Variants in CALN1 observed in about 807,000 individuals in gnomAD.
CALN1 encodes the protein calcium-binding protein 8.
CALN1 carries 17 observed loss-of-function variants against 30.6 expected under a neutral mutation model. The ratio of observed to expected loss-of-function variants is 0.56; its 90% CI spans 0.38 to 0.83. The LOEUF is 0.83. Among genes scored for constraint, CALN1 ranks in the 40% least tolerant of loss-of-function variants. The pLI, the probability that CALN1 is intolerant of heterozygous loss-of-function variation, is 0.00. For synonymous variants in CALN1, 156 were observed against 131.4 expected, an observed-to-expected ratio of 1.19 and a Z score of -1.28; for missense variants, 291 against 354.9, an observed-to-expected ratio of 0.82 and a Z score of 1.45.
In CALN1 at chr7:72,360,651, C is replaced by T. The variant is rs77831408; in HGVS notation, c.119+42600G>A. 0.014 allele frequency among the ~76,000 whole-genome samples: 2,034 copies of T among 147,122 alleles called. 119 individuals are homozygous for T. In the East Asian group the frequency reaches 0.2, roughly 15 times the overall value. The stretch of plus-strand genomic sequence containing the variant: ...TAAGTTCTAGGGTACACGTGCACAA[C>T]GTGCAGATTTGTTACATATGTATGT... On this transcript the variant is annotated intron_variant, in intron 2 of 6. Coordinates refer to ENST00000395275, the MANE Select transcript of CALN1 (RefSeq NM_031468.4).
intron 5 of CALN1, among the ~76,000 whole-genome samples, chr7:72,018,076 G>T (rs1352303041): frequency 1.3e-5 from 2 of 151,974 alleles, no homozygotes; most frequent in Non-Finnish European, 2.9e-5. Context: ...GGTTGCACGG[G>T]GCTTGAGGTC....
In CALN1 at chr7:71,913,992, T is replaced by A. The variant is rs192124631; in HGVS notation, c.502-103500A>T. The A allele has an allele frequency of 2.2e-4, 34 of 152,378 alleles. No homozygotes were observed. In the East Asian group the frequency reaches 6.2e-3, roughly 28 times the overall value. The allele number at this position is 152,378 out of a possible 1,614,324, so 9.4% of individuals were successfully genotyped here. A position where few individuals can be genotyped will look rare whatever the true frequency, so the allele number is the denominator to read the frequency against. The stretch of plus-strand genomic sequence containing the variant: ...TGAGGTGAAATAGCCAGTCCAAGTT[T>A]ATGAGCTAGTAAGCAGCAGAACTGA... On this transcript the variant is annotated intron_variant, in intron 5 of 6. Transcript: ENST00000395275.
intron 3 of CALN1, among the ~76,000 whole-genome samples, chr7:72,112,105 G>A (rs936477610): frequency 1.3e-5 from 2 of 152,186 alleles, no homozygotes; most frequent in Middle Eastern, 3.4e-3. Flanking sequence ...CTGAGAATCA[G>A]GCCTCAGCTC....
rs892263727 is a variant in CALN1 at position 72,271,767 on chromosome 7, T to C, written c.244+6919A>G. Reference sequence around the variant, plus strand: ...TGCTGCAGAAAGTCCTGAATAAACATTAAAAGTCATCTAGGCCAGTCATGG... The same window carrying C: ...TGCTGCAGAAAGTCCTGAATAAACACTAAAAGTCATCTAGGCCAGTCATGG... On this transcript the variant is annotated intron_variant, in intron 3 of 6. Transcript: ENST00000395275. 7.1e-4 allele frequency among the ~76,000 whole-genome samples: 107 copies of C among 150,714 alleles called. 1 individual carries two copies. Among genetic ancestry groups the C allele is most frequent in the Non-Finnish European group, 1.1e-3 (73 of 67,706 alleles).
chr7:71,816,934 C>T (rs1290660471), intron 5 of CALN1, among the ~76,000 whole-genome samples: 1 of 152,142 alleles, frequency 6.6e-6, no homozygotes. Context: ...CACCACTGCA[C>T]TCCAGCCTGG....
intron 3 of CALN1, among the ~76,000 whole-genome samples, chr7:72,256,604 AT>A (rs10642125): frequency 6.6e-6 from 1 of 151,106 alleles, no homozygotes; most frequent in Non-Finnish European, 1.5e-5. Context: ...TCAATCAATT[AT>A]TTTTTTTTCT....
chr7:72,496,707 C>CA, the CALN1 span, among the ~76,000 whole-genome samples: 1 of 152,122 alleles, frequency 6.6e-6, no homozygotes, highest in South Asian at 2.1e-4. Flanking sequence ...CTCACCTCTA[C>CA]AAAAAATTTT....
chr7:71,975,347 C>T (rs990914904), intron 5 of CALN1, among the ~76,000 whole-genome samples: 3 of 152,166 alleles, frequency 2.0e-5, no homozygotes, highest in Non-Finnish European at 4.4e-5. Flanking sequence ...TCCACCACCT[C>T]CCTTGTTAAT....
intron 5 of CALN1, among the ~76,000 whole-genome samples, chr7:71,866,442 C>T (rs1485525791): frequency 6.6e-6 from 1 of 151,624 alleles, no homozygotes; most frequent in Non-Finnish European, 1.5e-5. Flanking sequence ...TAGACATTTC[C>T]CCATTTTTGC....
chr7:72,010,333 C>T (rs1010807923), intron 5 of CALN1, among the ~76,000 whole-genome samples: 1 of 152,070 alleles, frequency 6.6e-6, no homozygotes, highest in African/African-American at 2.4e-5. Flanking sequence ...TTCACCAGAA[C>T]CTTCTAGAAC....
chr7:72,407,735 C>G (rs972544484), intron 1 of CALN1, among the ~76,000 whole-genome samples: 5 of 152,174 alleles, frequency 3.3e-5, no homozygotes, highest in Non-Finnish European at 7.3e-5. Flanking sequence ...AATACACTAT[C>G]ATTCTCCATT....
intron 2 of CALN1, among the ~76,000 whole-genome samples, chr7:72,297,459 T>C (rs1487113416): frequency 6.6e-6 from 1 of 152,164 alleles, no homozygotes; most frequent in Non-Finnish European, 1.5e-5. Context: ...TCCTGAAATA[T>C]GGGAATTCTA....
chr7:72,396,299 T>C (rs1490480876), intron 2 of CALN1, among the ~76,000 whole-genome samples: 2 of 143,842 alleles, frequency 1.4e-5, no homozygotes, highest in Non-Finnish European at 3.0e-5. Context: ...GGCAGGCACC[T>C]GTAATCCCAG....
chr7:72,054,444 T>C lies in CALN1; in HGVS notation c.389-30675A>G, dbSNP rs13307465. On this transcript the variant is annotated intron_variant, in intron 4 of 6. Transcript: ENST00000395275. ...GTGTATATATACACGTATATATATATATACATATATATACATATATATACA... is the reference window on the plus strand; with the variant it reads ...GTGTATATATACACGTATATATATACATACATATATATACATATATATACA... Among the ~76,000 whole-genome samples the C allele has an allele frequency of 3.1e-3, 175 of 56,178 alleles. 8 individuals carry two copies. The highest frequency in any genetic ancestry group is 7.5e-3 in the Non-Finnish European group (150 of 20,030). The allele number at this position is 56,178 out of a possible 152,430, so 36.9% of individuals were successfully genotyped here.
upstream of CALN1, among the ~76,000 whole-genome samples, chr7:72,415,027 T>C (rs567189484): frequency 2.0e-5 from 3 of 152,338 alleles, no homozygotes; most frequent in Non-Finnish European, 2.9e-5. Flanking sequence ...ATCTCTGCCA[T>C]GTGAGGACAC....
intron 2 of CALN1, among the ~76,000 whole-genome samples, chr7:72,397,542 G>A (rs75532417): frequency 2.0e-5 from 3 of 152,156 alleles, no homozygotes; most frequent in Non-Finnish European, 4.4e-5. Context: ...GTGACTAGAA[G>A]AAAAGCAGGT....
At chr7:72,327,116 C>G (rs1383719311) in intron 2 of CALN1, among the ~76,000 whole-genome samples, 1 of 152,212 alleles carries the variant, frequency 6.6e-6, no homozygotes, top group Non-Finnish European at 1.5e-5. Context: ...CCCCCAAGCC[C>G]AGTCTGTAGG....
Position 71,819,316 on chromosome 7 carries a change from C to A in CALN1, c.502-8824G>T, listed in dbSNP as rs968993599. Among the ~76,000 whole-genome samples, 8 of 151,586 alleles carry A rather than the reference C, an allele frequency of 5.3e-5. No homozygotes were observed. The East Asian group carries it at 1.6e-3, about 30-fold the overall frequency. On this transcript the variant is annotated intron_variant, in intron 5 of 6. Coordinates refer to ENST00000395275, the MANE Select transcript of CALN1 (RefSeq NM_031468.4). The stretch of plus-strand genomic sequence containing the variant: ...CTCCACCTTCCGGTTTCAAGCAATT[C>A]TCCTGCCTCAGCCTCCTGAGTAGCT...
At chr7:72,364,265 T>A (rs1000468629) in intron 2 of CALN1, among the ~76,000 whole-genome samples, 2 of 147,568 alleles carry the variant, frequency 1.4e-5, no homozygotes, top group Admixed American at 1.4e-4. Flanking sequence ...CAGTGAGATT[T>A]AGATTAGAAT....
Sources: gnomAD v4.1 joint callset for allele counts (sites outside exome capture counted in the v4.1 genomes callset) on GRCh38, gnomAD v4.1.1 for gene constraint, MANE v1.5 for transcripts, NCBI Gene and HGNC (gene_info 2026-07-23, HGNC 2026-07-21) for gene names.